The following AUTS2 variants were observed in gnomAD, a reference collection of about 807,000 sequenced individuals.
AUTS2 encodes activator of transcription and developmental regulator AUTS2.
AUTS2 carries 17 observed loss-of-function variants against 112.4 expected under a neutral mutation model. That is an observed-to-expected ratio of 0.15 (90% CI 0.10 to 0.23). AUTS2 has a LOEUF of 0.23. Ranked by LOEUF, AUTS2 falls within the 10% of genes least tolerant of loss-of-function variation. The pLI is 1.00. For missense variants in AUTS2, 1,510 were observed against 1,701.6 expected (o/e 0.89, Z 1.98); for synonymous variants, 751 against 702.7 (o/e 1.07, Z -1.09).
rs1430970925 is a variant in AUTS2 at position 70,722,690 on chromosome 7, G to A, written c.742+24070G>A. ...TTGGGAGTCTCCATTAAGTCATTAT[G>A]GTGTCTGCTAAAACATTCTTCTTCA... On this transcript the variant is annotated intron_variant, in intron 6 of 18. Transcript: ENST00000342771. Among the ~76,000 whole-genome samples, 3 of 152,116 alleles carry A rather than the reference G, an allele frequency of 2.0e-5. No individual in the cohort carries two copies. In the East Asian group the frequency reaches 5.8e-4, roughly 29 times the overall value.
At chr7:70,653,276 T>C (rs1363402011) in intron 5 of AUTS2, among the ~76,000 whole-genome samples, 1 of 152,180 alleles carries the variant, frequency 6.6e-6, no homozygotes, top group Non-Finnish European at 1.5e-5. Flanking sequence ...CTCATACTTT[T>C]ATATTTTCTC....
chr7:70,105,147 A>C (rs1804701392), intron 2 of AUTS2, among the ~76,000 whole-genome samples: 1 of 152,182 alleles, frequency 6.6e-6, no homozygotes, highest in Non-Finnish European at 1.5e-5. Context: ...GTGATCTGGC[A>C]CAGATTAGTC....
intron 2 of AUTS2, among the ~76,000 whole-genome samples, chr7:70,099,423 T>C (rs1804369719): frequency 6.6e-6 from 1 of 152,144 alleles, no homozygotes; most frequent in Admixed American, 6.5e-5. Context: ...ATTTCTTCTG[T>C]AATAATAGGT....
chr7:70,584,926 C>T (rs780072250), intron 5 of AUTS2, among the ~76,000 whole-genome samples: 2 of 152,256 alleles, frequency 1.3e-5, no homozygotes, highest in Non-Finnish European at 2.9e-5. Context: ...CTCCTTGAAC[C>T]TCTGCACCCT....
intron 1 of AUTS2, among the ~76,000 whole-genome samples, chr7:69,688,287 C>G (rs1038953616): frequency 4.6e-5 from 7 of 152,174 alleles, no homozygotes; most frequent in African/African-American, 1.4e-4. Flanking sequence ...GTGTGTGGGG[C>G]CTCAGCCCTG....
rs139656388 is a variant in AUTS2, at chr7:69,650,505, G to A, written c.309+50543G>A. 1.3e-3 allele frequency among the ~76,000 whole-genome samples: 193 copies of A among 152,304 alleles called. 1 individual carries two copies. The highest frequency in any genetic ancestry group is 6.8e-3 in the Middle Eastern group (2 of 294). On this transcript the variant is annotated intron_variant, in intron 1 of 18. Coordinates refer to ENST00000342771, the MANE Select transcript of AUTS2 (RefSeq NM_015570.4). ...GCGTGGATTACCAGTGGGTTATTCA[G>A]AGGAGAACTTTCATCATTTTAGCCC... is the stretch of plus-strand genomic sequence containing the variant.
intron 1 of AUTS2, among the ~76,000 whole-genome samples, chr7:69,614,321 T>C (rs932875258): frequency 1.7e-5 from 1 of 59,734 alleles, no homozygotes; most frequent in Non-Finnish European, 3.6e-5. Flanking sequence ...CGTCTCTTTC[T>C]TTCTTTCTTT....
chr7:69,972,478 C>G (rs915959358), intron 2 of AUTS2, among the ~76,000 whole-genome samples: 5 of 152,074 alleles, frequency 3.3e-5, no homozygotes, highest in Non-Finnish European at 5.9e-5. Flanking sequence ...TGTATGGATC[C>G]TTTCCTTTAT....
In AUTS2 at chr7:70,766,107, C is replaced by T; in HGVS notation, c.1469-7C>T. ...GGCGTCATCGTCTCCCTCTTCTTCT[C>T]TTCCAGAGCAAGACATCTTGCGACA... is the stretch of plus-strand genomic sequence containing the variant. On this transcript the variant is annotated splice_polypyrimidine_tract_variant and splice_region_variant and intron_variant, in intron 8 of 18. Coordinates refer to ENST00000342771, the MANE Select transcript of AUTS2 (RefSeq NM_015570.4). The surrounding 1 kb of genome is among the most constrained non-coding windows in gnomAD (Gnocchi z 4.8). 6.2e-7 allele frequency: 1 copy of T among 1,611,266 alleles called. No individual in the cohort carries two copies. Among genetic ancestry groups the T allele is most frequent in the Non-Finnish European group, 8.5e-7 (1 of 1,177,640 alleles).
intron 4 of AUTS2, among the ~76,000 whole-genome samples, chr7:70,433,975 G>C (rs1013772204): frequency 6.6e-6 from 1 of 152,166 alleles, no homozygotes; most frequent in Non-Finnish European, 1.5e-5. Flanking sequence ...CCCTGAGATG[G>C]GTTCAGTGGT....
intron 1 of AUTS2, among the ~76,000 whole-genome samples, chr7:69,756,121 A>C (rs1046004274): frequency 2.6e-5 from 4 of 152,184 alleles, no homozygotes; most frequent in Admixed American, 2.0e-4. Context: ...TACCATTGCA[A>C]CCCTGTGTAA....
At chr7:69,996,808 C>A (rs1798961912) in intron 2 of AUTS2, among the ~76,000 whole-genome samples, 1 of 151,814 alleles carries the variant, frequency 6.6e-6, no homozygotes, top group Non-Finnish European at 1.5e-5. Context: ...AAAATAAAGC[C>A]CATTTACTCA....
In AUTS2 at chr7:70,303,439, T is replaced by TACACAC. The variant is rs371608891; in HGVS notation, c.661-132283_661-132278dup. 8.5e-3 allele frequency among the ~76,000 whole-genome samples: 1,225 copies of TACACAC among 143,286 alleles called. 2 individuals carry two copies. Among genetic ancestry groups the TACACAC allele is most frequent in the Non-Finnish European group, 0.011 (702 of 64,594 alleles). The allele number at this position is 143,286 out of a possible 152,430, so 94.0% of individuals were successfully genotyped here. ...ACACACACACGCGCGCGCGCGCACA[T>TACACAC]ACACACACACACACACACACACACA... is the stretch of plus-strand genomic sequence containing the variant. On this transcript the variant is annotated intron_variant, in intron 4 of 18. Transcript: ENST00000342771.
chr7:70,630,641 A>C (rs1027690696), intron 5 of AUTS2, among the ~76,000 whole-genome samples: 19 of 152,206 alleles, frequency 1.2e-4, no homozygotes, highest in African/African-American at 4.6e-4. Flanking sequence ...CATCACATAC[A>C]TAATTCTATC....
chr7:70,513,982 G>A (rs966976801), intron 5 of AUTS2, among the ~76,000 whole-genome samples: 2 of 152,000 alleles, frequency 1.3e-5, no homozygotes, highest in Non-Finnish European at 2.9e-5. Flanking sequence ...ATCACCATAG[G>A]ATTTATTAAA....
chr7:70,413,019 T>C (rs1287626020), intron 4 of AUTS2, among the ~76,000 whole-genome samples: 1 of 151,976 alleles, frequency 6.6e-6, no homozygotes, highest in Non-Finnish European at 1.5e-5. Context: ...AATAATAATA[T>C]AATGTATGTC....
intron 4 of AUTS2, chr7:70,291,943 A>G (rs1039015628): frequency 6.6e-6 from 1 of 152,190 alleles, no homozygotes; most frequent in Non-Finnish European, 1.5e-5. Context: ...TCACACTTTG[A>G]AGGTGCTGCT....
chr7:70,417,854 G>T (rs1158389508), intron 4 of AUTS2, among the ~76,000 whole-genome samples: 1 of 152,108 alleles, frequency 6.6e-6, no homozygotes, highest in Non-Finnish European at 1.5e-5. Flanking sequence ...CCAGAAGACC[G>T]TTTGCCTATG....
intron 4 of AUTS2, among the ~76,000 whole-genome samples, chr7:70,391,729 T>C (rs1793869314): frequency 6.6e-6 from 1 of 152,206 alleles, no homozygotes; most frequent in East Asian, 1.9e-4. Flanking sequence ...ATTTGACACC[T>C]ACTACGTGGC....
Sources: allele counts gnomAD v4.1 joint callset (sites outside exome capture counted in the v4.1 genomes callset), GRCh38; gene constraint gnomAD v4.1.1; non-coding constraint Gnocchi (gnomAD v3.1); transcripts MANE v1.5; gene names NCBI Gene and HGNC (gene_info 2026-07-23, HGNC 2026-07-21).